The following MMP21 variants were observed in gnomAD, a reference collection of about 807,000 sequenced individuals.
MMP21 encodes matrix metalloproteinase-21.
In MMP21, 40 loss-of-function variants were observed where a neutral mutation model predicts 47.8. The ratio of observed to expected loss-of-function variants is 0.84; its 90% CI spans 0.65 to 1.09. The LOEUF (loss-of-function observed/expected upper bound fraction) is 1.09, where lower values mean the gene tolerates loss of function less well. Among genes scored for constraint, MMP21 ranks in the 50% least tolerant of loss-of-function variants. The pLI, the probability that MMP21 is intolerant of heterozygous loss-of-function variation, is 0.00. For synonymous variants in MMP21, 341 were observed against 318.0 expected (o/e 1.07, Z -0.77); for missense variants, 747 against 775.3 (o/e 0.96, Z 0.43).
At position 125,773,053 on chromosome 10, in the gene MMP21, G is replaced by A. The variant is rs768039083; in HGVS notation, c.698-303C>T. 3.3e-5 allele frequency among the ~76,000 whole-genome samples: 5 copies of A among 152,252 alleles called. No individual in the cohort carries two copies. The highest frequency in any genetic ancestry group is 7.2e-5 in the African/African-American group (3 of 41,472). ...AAAAAGGCCTCACCCGGACAAGATC[G>A]GGGCCGGATCCTCGCCTCTGCGGAG... On this transcript the variant is annotated intron_variant, in intron 2 of 6. Coordinates refer to ENST00000368808, the MANE Select transcript of MMP21 (RefSeq NM_147191.1). The surrounding 1 kb of genome is among the most constrained non-coding windows in gnomAD (Gnocchi z 4.8).
rs1186779666 is a variant in MMP21 at position 125,773,340 on chromosome 10, G to A, written c.697+491C>T. Among the ~76,000 whole-genome samples the A allele has an allele frequency of 1.3e-5, 2 of 152,042 alleles. No individual in the cohort carries two copies. Among genetic ancestry groups the A allele is most frequent in the East Asian group, 1.9e-4 (1 of 5,144 alleles). ...CCATCCTTGAGTCTAGGCCAAGACCGGATTCCTGGGGACGCCAGCACCCAA... is the reference window on the plus strand; with the variant it reads ...CCATCCTTGAGTCTAGGCCAAGACCAGATTCCTGGGGACGCCAGCACCCAA... On this transcript the variant is annotated intron_variant, in intron 2 of 6. Coordinates refer to ENST00000368808, the MANE Select transcript of MMP21 (RefSeq NM_147191.1). This position sits in a 1 kb window ranked among gnomAD's most constrained non-coding sequence, Gnocchi z 4.8.
In MMP21 at chr10:125,772,219, A is replaced by G. The variant is rs761533216; in HGVS notation, c.978T>C (p.Tyr326=). The part of the protein sequence containing the change: ...WSDRKAIQKL[Y]GSCEGSFDTA... Reference sequence around the variant, plus strand: ...GGATGCCCTCCGCAGCAGTCTTACCATACAGCTTTTGAATTGCTTTCCTGT... The same window carrying G: ...GGATGCCCTCCGCAGCAGTCTTACCGTACAGCTTTTGAATTGCTTTCCTGT... Residue 326 remains tyrosine, a splice_region_variant and synonymous_variant, in exon 4 of 7, where the codon TAT becomes TAC. Transcript: ENST00000368808. This position sits in a 1 kb window ranked among gnomAD's most constrained non-coding sequence, Gnocchi z 5.6. The G allele has an allele frequency of 3.0e-5, 48 of 1,614,172 alleles. No homozygotes were observed. The highest frequency in any genetic ancestry group is 4.5e-5 in the East Asian group (2 of 44,878).
At position 125,773,194 on chromosome 10, in the gene MMP21, C is replaced by A. The variant is rs1303854588; in HGVS notation, c.698-444G>T. On this transcript the variant is annotated intron_variant, in intron 2 of 6. Transcript: ENST00000368808. This position sits in a 1 kb window ranked among gnomAD's most constrained non-coding sequence, Gnocchi z 4.8. Reference sequence around the variant, plus strand: ...TGAGACCAGAAGACAGCCCTGAGCACCCCCGGGTCACAGATGGGGCTGCAA... The same window carrying A: ...TGAGACCAGAAGACAGCCCTGAGCAACCCCGGGTCACAGATGGGGCTGCAA... Among the ~76,000 whole-genome samples, 1 of 152,114 alleles carries A rather than the reference C, an allele frequency of 6.6e-6. No homozygotes were observed. The highest frequency in any genetic ancestry group is 1.5e-5 in the Non-Finnish European group (1 of 68,022).
intron 1 of MMP21, among the ~76,000 whole-genome samples, chr10:125,775,100 C>T (rs1850503025): frequency 6.6e-6 from 1 of 152,174 alleles, no homozygotes. Context: ...CAAAGGACCA[C>T]GTGCCAGAGC....
chr10:125,770,245 C>A (rs960955892), intron 5 of MMP21, 89 bp downstream of exon 5: 8 of 1,369,812 alleles, frequency 5.8e-6, no homozygotes, highest in Non-Finnish European at 8.2e-6. Context: ...AAGAGCATTA[C>A]AACAGATTCC....
intron 5 of MMP21, among the ~76,000 whole-genome samples, chr10:125,768,992 C>T (rs1850414872): frequency 1.3e-5 from 2 of 152,162 alleles, no homozygotes; most frequent in Admixed American, 6.5e-5. Flanking sequence ...TTCAGTTTGG[C>T]TCTCACCTTG....
chr10:125,775,492 T>G (rs1405638095), intron 1 of MMP21, among the ~76,000 whole-genome samples, 168 bp downstream of exon 1: 3 of 152,180 alleles, frequency 2.0e-5, no homozygotes, highest in Non-Finnish European at 4.4e-5. Context: ...TCATGGTTGT[T>G]CCAATAGGAG....
intron 5 of MMP21, 99 bp from the exon 6 acceptor site, chr10:125,767,803 T>C (rs907289105): frequency 8.2e-7 from 1 of 1,217,616 alleles, no homozygotes; most frequent in African/African-American, 1.5e-5. Context: ...TCCTGTACAA[T>C]GTGTTGCCAT....
Position 125,773,847 on chromosome 10 carries a change from C to A in MMP21, c.681G>T (p.Lys227Asn). The A allele has an allele frequency of 2.6e-6, 4 of 1,560,096 alleles. No homozygotes were observed. Among genetic ancestry groups the A allele is most frequent in the Non-Finnish European group, 3.4e-6 (4 of 1,160,496 alleles). The change falls in exon 2 of 7, where the codon AAG becomes AAT. Residue 227 changes from lysine (K) to asparagine (N), a missense_variant. Transcript: ENST00000368808. This position sits in a 1 kb window ranked among gnomAD's most constrained non-coding sequence, Gnocchi z 4.8. ...LAAPGAAVDI[K>N]LGFGRGRHLG... is the part of the protein sequence containing the mutation. ...TGCTCTTACCTCTCCCAAAGCCCAG[C>A]TTGATGTCGACCGCGGCCCCGGGGG...
intron 4 of MMP21, 68 bp from the exon 5 acceptor site, chr10:125,770,659 G>A (rs1303551855): frequency 1.3e-6 from 2 of 1,542,782 alleles, no homozygotes; most frequent in African/African-American, 2.8e-5. Flanking sequence ...TTTCATATGT[G>A]ACTTGAATGA....
Position 125,766,544 on chromosome 10 carries a change from A to G in MMP21, c.*118T>C. The stretch of plus-strand genomic sequence containing the variant: ...TAAAAGTTCAACTAAGGCTTTTCCC[A>G]TTGGGTTTTAACTTACAGTGCCATA... On this transcript the variant is annotated 3_prime_UTR_variant, in exon 7 of 7. Transcript: ENST00000368808. 1.3e-6 allele frequency: 1 copy of G among 743,996 alleles called. No individual in the cohort carries two copies. The allele number at this position is 743,996 out of a possible 1,614,324, so 46.1% of individuals were successfully genotyped here.
chr10:125,767,482 T>C (rs758937119), intron 6 of MMP21, 50 bp downstream of exon 6: 3 of 1,535,262 alleles, frequency 2.0e-6, no homozygotes, highest in Non-Finnish European at 1.8e-6. Context: ...CTGACGAATC[T>C]CTATTAGGGA....
chr10:125,769,627 C>G (rs1850423648), intron 5 of MMP21, among the ~76,000 whole-genome samples: 1 of 152,220 alleles, frequency 6.6e-6, no homozygotes, highest in South Asian at 2.1e-4. Context: ...AGGCCACGAC[C>G]TGATTCCTGG....
chr10:125,775,678 G>A lies in MMP21; in HGVS notation c.144C>T (p.Ala48=), dbSNP rs372082396. ...CTCCTACCTGAGCAGCGTGGAGGTC[G>A]GCAATGGGCTTGGCCTGGCGCAGTG... ...PSPLRQAKPI[A]DLHAAQRFLS... Residue 48 remains alanine (A), a synonymous_variant, in exon 1 of 7, where the codon GCC becomes GCT. Coordinates refer to ENST00000368808, the MANE Select transcript of MMP21 (RefSeq NM_147191.1). The A allele has an allele frequency of 6.2e-7, 1 of 1,609,638 alleles. No homozygotes were observed. The highest frequency in any genetic ancestry group is 1.3e-5 in the African/African-American group (1 of 74,834).
intron 4 of MMP21, among the ~76,000 whole-genome samples, chr10:125,771,132 C>T (rs1850441682): frequency 6.6e-6 from 1 of 152,154 alleles, no homozygotes; most frequent in Admixed American, 6.5e-5. Context: ...CTTCATTCTT[C>T]ACAGTGCCCC....
In MMP21 at chr10:125,773,859, C is replaced by G; in HGVS notation, c.669G>C (p.Ala223=). The G allele has an allele frequency of 2.6e-6, 4 of 1,566,658 alleles. No individual in the cohort carries two copies. Among genetic ancestry groups the G allele is most frequent in the Non-Finnish European group, 3.4e-6 (4 of 1,163,522 alleles). Residue 223 remains alanine (A), a synonymous_variant, in exon 2 of 7, where the codon GCG becomes GCC. Coordinates refer to ENST00000368808, the MANE Select transcript of MMP21 (RefSeq NM_147191.1). The surrounding 1 kb of genome is among the most constrained non-coding windows in gnomAD (Gnocchi z 4.8). ...FREDLAAPGA[A]VDIKLGFGRG... is the part of the protein sequence containing the mutation. ...TCCCAAAGCCCAGCTTGATGTCGAC[C>G]GCGGCCCCGGGGGCGGCCAGGTCCT...
Position 125,767,709 on chromosome 10 carries a change from G to A in MMP21, c.1238-5C>T. 1.2e-6 allele frequency: 2 copies of A among 1,613,448 alleles called. No individual in the cohort carries two copies. The highest frequency in any genetic ancestry group is 2.7e-5 in the African/African-American group (2 of 74,962). On this transcript the variant is annotated splice_region_variant and splice_polypyrimidine_tract_variant and intron_variant, in intron 5 of 6. Coordinates refer to ENST00000368808, the MANE Select transcript of MMP21 (RefSeq NM_147191.1). ...CATATCTCCAGTATTGATTTCCTGAGAGCCAAACAAAATACGTTCATGTGG... is the reference window on the plus strand; with the variant it reads ...CATATCTCCAGTATTGATTTCCTGAAAGCCAAACAAAATACGTTCATGTGG...
rs143001093 is a variant in MMP21 at position 125,766,940 on chromosome 10, T to C, written c.1432A>G (p.Arg478Gly). ...GGATAAGAATTAAGTACTCGATTTC[T>C]GTTGACATCAAATGCAAATACCTGC... ...ESLVFAFDVN[R>G]NRVLNSYPKR... The change falls in exon 7 of 7, where the codon AGA becomes GGA. Residue 478 changes from arginine to glycine, a missense_variant. Coordinates refer to ENST00000368808, the MANE Select transcript of MMP21 (RefSeq NM_147191.1). 2.6e-4 allele frequency: 408 copies of C among 1,592,438 alleles called. No individual in the cohort carries two copies. Among genetic ancestry groups the C allele is most frequent in the Non-Finnish European group, 3.3e-4 (385 of 1,172,458 alleles).
chr10:125,770,716 G>C, intron 4 of MMP21, 125 bp from the exon 5 acceptor site: 1 of 1,091,690 alleles, frequency 9.2e-7, no homozygotes, highest in Non-Finnish European at 1.3e-6. Context: ...CTTAAAGCAA[G>C]ACACCATGTA....
Sources: allele counts gnomAD v4.1 joint callset (sites outside exome capture counted in the v4.1 genomes callset), GRCh38; gene constraint gnomAD v4.1.1; non-coding constraint Gnocchi (gnomAD v3.1); transcripts MANE v1.5; gene names NCBI Gene and HGNC (gene_info 2026-07-23, HGNC 2026-07-21).